NLE1: variants seen among roughly 807,000 people sequenced by gnomAD.
NLE1 encodes notchless homolog 1.
A neutral mutation model predicts 62.8 loss-of-function variants in NLE1; 37 were observed. The ratio of observed to expected loss-of-function variants is 0.59; its 90% CI spans 0.45 to 0.78. The LOEUF (loss-of-function observed/expected upper bound fraction) is 0.78. Ranked by LOEUF, NLE1 falls within the 30% of genes least tolerant of loss-of-function variation. NLE1 has a pLI of 0.00. For synonymous variants in NLE1, 243 were observed against 253.0 expected (o/e 0.96, Z 0.37); for missense variants, 555 against 637.9 (o/e 0.87, Z 1.40).
At chr17:35,133,057 G>T in intron 12 of NLE1, 114 bp downstream of exon 12, 2 of 1,057,842 alleles carry the variant, frequency 1.9e-6, no homozygotes, top group Non-Finnish European at 2.9e-6. Flanking sequence ...CCTCAAGACA[G>T]TCTGAGCACC....
At chr17:35,139,210 C>A (rs1233219998) in intron 4 of NLE1, 25 bp downstream of exon 4, 2 of 1,606,266 alleles carry the variant, frequency 1.2e-6, no homozygotes, top group Non-Finnish European at 1.7e-6. Context: ...AAGAAGACCC[C>A]CTAAATGGCT....
At position 35,129,665 on chromosome 17, in the gene NLE1, C is replaced by T; in HGVS notation, c.*2772G>A. On this transcript the variant is annotated 3_prime_UTR_variant, in exon 13 of 13. Coordinates refer to ENST00000442241, the MANE Select transcript of NLE1 (RefSeq NM_018096.5). The stretch of plus-strand genomic sequence containing the variant: ...GTGGTGCAAGCCCTACAAAGTGAGC[C>T]CTGGGAAAAGAGGGGCCTTGGGGGT... 1 of 1,612,788 alleles carries T rather than the reference C, an allele frequency of 6.2e-7. No individual in the cohort carries two copies. Among genetic ancestry groups the T allele is most frequent in the Non-Finnish European group, 8.5e-7 (1 of 1,179,602 alleles).
chr17:35,129,267 C>T lies in NLE1; in HGVS notation c.*3170G>A. 1.1e-6 allele frequency: 1 copy of T among 917,332 alleles called. No individual in the cohort carries two copies. The highest frequency in any genetic ancestry group is 1.7e-6 in the Non-Finnish European group (1 of 601,512). 56.8% of individuals were successfully genotyped at this position (917,332 alleles called of 1,614,324 possible). A position where few individuals can be genotyped will look rare whatever the true frequency, so the allele number is the denominator to read the frequency against. On this transcript the variant is annotated 3_prime_UTR_variant, in exon 13 of 13. Coordinates refer to ENST00000442241, the MANE Select transcript of NLE1 (RefSeq NM_018096.5). ...TGCTTCGGGGCAGGGGTTCCACACT[C>T]AGTGCTGCAGTACCTTGCACCTTCC...
rs1447995400 is a variant in NLE1, at chr17:35,137,427, G to T, written c.635+116C>A. 4 of 912,104 alleles carry T rather than the reference G, an allele frequency of 4.4e-6. No homozygotes were observed. In the African/African-American group the frequency reaches 4.9e-5, roughly 11 times the overall value. The allele number at this position is 912,104 out of a possible 1,614,324, so 56.5% of individuals were successfully genotyped here. On this transcript the variant is annotated intron_variant, in intron 6 of 12. Transcript: ENST00000442241. ...TCTCCCATGCCTGCCAAGCCATCACGGTCATTCAGGCTGCCCATCTTGTCC... is the reference window on the plus strand; with the variant it reads ...TCTCCCATGCCTGCCAAGCCATCACTGTCATTCAGGCTGCCCATCTTGTCC...
chr17:35,129,110 T>C lies in NLE1; in HGVS notation c.*3327A>G. The stretch of plus-strand genomic sequence containing the variant: ...CTCGCCCACCAATCTCCTCCTGCTG[T>C]GCTATCCAGTTCCTAACAGGCCATG... On this transcript the variant is annotated 3_prime_UTR_variant, in exon 13 of 13. Coordinates refer to ENST00000442241, the MANE Select transcript of NLE1 (RefSeq NM_018096.5). The C allele has an allele frequency of 3.5e-6, 1 of 287,714 alleles. No individual in the cohort carries two copies. The highest frequency in any genetic ancestry group is 6.4e-5 in the East Asian group (1 of 15,522). 17.8% of individuals were successfully genotyped at this position (287,714 alleles called of 1,614,324 possible).
At chr17:35,139,740 G>A (rs1200355723) in intron 3 of NLE1, 109 bp downstream of exon 3, 3 of 1,461,902 alleles carry the variant, frequency 2.1e-6, no homozygotes, top group Admixed American at 3.9e-5. Flanking sequence ...TTGGGTCTAT[G>A]GTAGGCAGCC....
chr17:35,138,030 G>A (rs1035081615), intron 4 of NLE1, 140 bp from the exon 5 acceptor site: 1 of 634,588 alleles, frequency 1.6e-6, no homozygotes, highest in Non-Finnish European at 2.7e-6. Context: ...GAGGCTTTCT[G>A]GGGATGGATA....
chr17:35,135,593 T>A, intron 9 of NLE1, 142 bp from the exon 10 acceptor site: 2 of 706,142 alleles, frequency 2.8e-6, no homozygotes, highest in Non-Finnish European at 4.7e-6. Context: ...GAGGACTGGC[T>A]TGGCCACTCA....
chr17:35,129,483 A>T lies in NLE1; in HGVS notation c.*2954T>A. 6.2e-7 allele frequency: 1 copy of T among 1,614,188 alleles called. No homozygotes were observed. Among genetic ancestry groups the T allele is most frequent in the Non-Finnish European group, 8.5e-7 (1 of 1,180,026 alleles). On this transcript the variant is annotated 3_prime_UTR_variant, in exon 13 of 13. Transcript: ENST00000442241. ...AGTTTCTACCAGCTCCTGTTACAGG[A>T]GGTGGCCAAGACACAGGAGAATGAG...
At position 35,137,111 on chromosome 17, in the gene NLE1, G is replaced by C. The variant is rs372790802; in HGVS notation, c.718C>G (p.Arg240Gly). 6.2e-7 allele frequency: 1 copy of C among 1,613,650 alleles called. No homozygotes were observed. Among genetic ancestry groups the C allele is most frequent in the Non-Finnish European group, 8.5e-7 (1 of 1,179,918 alleles). The change falls in exon 7 of 13, where the codon CGC (arginine) becomes GGC (glycine). Residue 240 changes from arginine to glycine, a missense_variant. Transcript: ENST00000442241. Reference sequence around the variant, plus strand: ...GACTGGGTGTGCCCGGTGAGGATGCGCTCACAGCGGCCTGCAGTTGTGTCC... The same window carrying C: ...GACTGGGTGTGCCCGGTGAGGATGCCCTCACAGCGGCCTGCAGTTGTGTCC... ...IWDTTAGRCERILTGHTQSVT... is the reference protein window; with the variant it reads ...IWDTTAGRCEGILTGHTQSVT...
chr17:35,132,844 G>C lies in NLE1; in HGVS notation c.1445+327C>G, dbSNP rs572205622. Among the ~76,000 whole-genome samples the C allele has an allele frequency of 5.3e-5, 8 of 152,362 alleles. No individual in the cohort carries two copies. The South Asian group carries it at 1.7e-3, about 32-fold the overall frequency. ...ATTTGAACTCAGGTCTTGCGACTCT[G>C]AAGTCTAGTGACAGAAAGACCTGGA... is the stretch of plus-strand genomic sequence containing the variant. On this transcript the variant is annotated intron_variant, in intron 12 of 12. Coordinates refer to ENST00000442241, the MANE Select transcript of NLE1 (RefSeq NM_018096.5).
In NLE1 at chr17:35,142,105, G is replaced by T; in HGVS notation, c.36C>A (p.Arg12=). 1 of 1,611,722 alleles carries T rather than the reference G, an allele frequency of 6.2e-7. No homozygotes were observed. The change falls in exon 2 of 13, where the codon CGC becomes CGA. Residue 12 remains arginine (R), a synonymous_variant. Coordinates refer to ENST00000442241, the MANE Select transcript of NLE1 (RefSeq NM_018096.5). ...AAAVPDEAVA[R]DVQRLLVQFQ... ...ACTGCACTAGCAACCGCTGCACATC[G>T]CGCGCCACCGCCTCGTCCTGCGCGA...
In NLE1 at chr17:35,129,616, A is replaced by G; in HGVS notation, c.*2821T>C. The G allele has an allele frequency of 6.2e-7, 1 of 1,614,156 alleles. No homozygotes were observed. ...CGTGTTACTGCCTCAGTGTCCGTGC[A>G]GCCAACACAGCTGGGGTGGGGAAGT... On this transcript the variant is annotated 3_prime_UTR_variant, in exon 13 of 13. Transcript: ENST00000442241.
chr17:35,142,240 C>T lies in NLE1; in HGVS notation c.18+18G>A, dbSNP rs2142512821. 6.4e-7 allele frequency: 1 copy of T among 1,551,914 alleles called. No homozygotes were observed. Among genetic ancestry groups the T allele is most frequent in the Non-Finnish European group, 8.7e-7 (1 of 1,150,918 alleles). On this transcript the variant is annotated intron_variant, in intron 1 of 12. Transcript: ENST00000442241. ...CGCCCCGCGGCGACGCCCCCCGCCC[C>T]CATCCACGCACACCCACCGGCACTG... is the stretch of plus-strand genomic sequence containing the variant.
At position 35,129,059 on chromosome 17, in the gene NLE1, T is replaced by C. The variant is rs537229903; in HGVS notation, c.*3378A>G. 2.9e-4 allele frequency: 64 copies of C among 221,226 alleles called. No individual in the cohort carries two copies. Among genetic ancestry groups the C allele is most frequent in the Admixed American group, 3.0e-4 (6 of 19,958 alleles). 13.7% of individuals were successfully genotyped at this position (221,226 alleles called of 1,614,324 possible). ...GGTACCCTGAGCCGTGGGGAGCAGC[T>C]GTAAATACAGATGAAGCTTCGCTTG... On this transcript the variant is annotated 3_prime_UTR_variant, in exon 13 of 13. Coordinates refer to ENST00000442241, the MANE Select transcript of NLE1 (RefSeq NM_018096.5).
chr17:35,132,526 C>CA lies in NLE1; in HGVS notation c.1446-78dup. 8 of 1,219,748 alleles carry CA rather than the reference C, an allele frequency of 6.6e-6. No homozygotes were observed. In the South Asian group the frequency reaches 2.3e-4, roughly 34 times the overall value. The allele number at this position is 1,219,748 out of a possible 1,614,324, so 75.6% of individuals were successfully genotyped here. On this transcript the variant is annotated intron_variant, in intron 12 of 12. Transcript: ENST00000442241. ...GGCCGTCATATAATCCCAGTGTCAACAGACGGACGGCCTGTGGTCCACCCT... is the reference window on the plus strand; with the variant it reads ...GGCCGTCATATAATCCCAGTGTCAACAAGACGGACGGCCTGTGGTCCACCCT...
At chr17:35,137,767 G>C in intron 5 of NLE1, 47 bp downstream of exon 5, 1 of 1,422,844 alleles carries the variant, frequency 7.0e-7, no homozygotes, top group Non-Finnish European at 9.8e-7. Context: ...CTGTCTCCTA[G>C]GAAGGCCCCC....
At chr17:35,141,757 G>A (rs557953838) in intron 2 of NLE1, among the ~76,000 whole-genome samples, 1 of 152,254 alleles carries the variant, frequency 6.6e-6, no homozygotes, top group South Asian at 2.1e-4. Context: ...ACAGCATCCG[G>A]TGCGTTCAAA....
chr17:35,129,405 G>GCT lies in NLE1; in HGVS notation c.*3030_*3031dup. On this transcript the variant is annotated 3_prime_UTR_variant, in exon 13 of 13. Transcript: ENST00000442241. Reference sequence around the variant, plus strand: ...AGGACATATCTGAGGAAGCCTCGGGGCTCTCTCTTCCCCTAGATTTCCTGG... The same window carrying GCT: ...AGGACATATCTGAGGAAGCCTCGGGGCTCTCTCTCTTCCCCTAGATTTCCTGG... 6.2e-7 allele frequency: 1 copy of GCT among 1,611,018 alleles called. No individual in the cohort carries two copies. Among genetic ancestry groups the GCT allele is most frequent in the Non-Finnish European group, 8.5e-7 (1 of 1,177,660 alleles).
Sources: gnomAD v4.1 joint callset for allele counts (sites outside exome capture counted in the v4.1 genomes callset) on GRCh38, gnomAD v4.1.1 for gene constraint, MANE v1.5 for transcripts, NCBI Gene and HGNC (gene_info 2026-07-23, HGNC 2026-07-21) for gene names.